The following CASKIN1 variants were observed in gnomAD, a reference collection of about 807,000 sequenced individuals.
The protein encoded by CASKIN1 is CASK interacting protein 1, also known as caskin-1.
A neutral mutation model predicts 117.5 loss-of-function variants in CASKIN1; 42 were observed. That is an observed-to-expected ratio of 0.36 (90% CI 0.28 to 0.46). The LOEUF (loss-of-function observed/expected upper bound fraction) is 0.46, where lower values mean the gene tolerates loss of function less well. Ranked by LOEUF, CASKIN1 falls within the 20% of genes least tolerant of loss-of-function variation. The pLI is 1.00. For missense variants in CASKIN1, 2,083 were observed against 2,077.3 expected (o/e 1.00, Z -0.05); for synonymous variants, 1,148 against 961.7 (o/e 1.19, Z -3.59).
intron 10 of CASKIN1, 111 bp downstream of exon 10, chr16:2,186,595 TG>T: frequency 2.3e-6 from 2 of 869,608 alleles, no homozygotes; most frequent in African/African-American, 1.7e-5. Context: ...AACCCCACGC[TG>T]GCACCCAGAA....
At position 2,178,374 on chromosome 16, in the gene CASKIN1, A is replaced by G; in HGVS notation, c.*176T>C. On this transcript the variant is annotated 3_prime_UTR_variant, in exon 20 of 20. Coordinates refer to ENST00000343516, the MANE Select transcript of CASKIN1 (RefSeq NM_020764.4). Reference sequence around the variant, plus strand: ...CGCAGGGTCTGCCTAGAGCCCTTGGAGCCCCCGGCCAGGCGGTCCCCGGTG... The same window carrying G: ...CGCAGGGTCTGCCTAGAGCCCTTGGGGCCCCCGGCCAGGCGGTCCCCGGTG... 1 of 466,020 alleles carries G rather than the reference A, an allele frequency of 2.1e-6. No individual in the cohort carries two copies. 28.9% of individuals were successfully genotyped at this position (466,020 alleles called of 1,614,324 possible).
Position 2,180,317 on chromosome 16 carries a change from G to C in CASKIN1, c.3051C>G (p.Gly1017=), listed in dbSNP as rs758053471. 1 of 1,595,230 alleles carries C rather than the reference G, an allele frequency of 6.3e-7. No individual in the cohort carries two copies. Among genetic ancestry groups the C allele is most frequent in the African/African-American group, 1.3e-5 (1 of 74,844 alleles). The change falls in exon 18 of 20, where the codon GGC becomes GGG. Residue 1017 remains glycine, a synonymous_variant. Coordinates refer to ENST00000343516, the MANE Select transcript of CASKIN1 (RefSeq NM_020764.4). ...CCTCAGGAGGCCTGCGGGCAGCCCG[G>C]CCCCCACCCCCAATGGAGGACAGCT... ...MLELSSIGGG[G]RAARRPPEGH...
rs759358199 is a variant in CASKIN1 at position 2,190,383 on chromosome 16, A to T, written c.95-25T>A. On this transcript the variant is annotated intron_variant, in intron 1 of 19. Coordinates refer to ENST00000343516, the MANE Select transcript of CASKIN1 (RefSeq NM_020764.4). Reference sequence around the variant, plus strand: ...TCTGGGGATGGAAGGAGACTCAGTGAGGGGAGGCTGTGCCAGCCCCTCCAG... The same window carrying T: ...TCTGGGGATGGAAGGAGACTCAGTGTGGGGAGGCTGTGCCAGCCCCTCCAG... The T allele has an allele frequency of 3.2e-6, 5 of 1,559,992 alleles. No individual in the cohort carries two copies. In the African/African-American group the frequency reaches 6.8e-5, roughly 21 times the overall value.
chr16:2,181,694 T>TTGGGGCTGGGGCGGGGC, intron 17 of CASKIN1, 95 bp from the exon 18 acceptor site: 1 of 1,195,534 alleles, frequency 8.4e-7, no homozygotes, highest in Middle Eastern at 3.1e-4. Context: ...GGGGCCCAGC[T>TTGGGGCTGGGGCGGGGC]TGGGGCTGGG....
chr16:2,191,921 T>C (rs62038844), intron 1 of CASKIN1, among the ~76,000 whole-genome samples: 330 of 152,280 alleles, frequency 2.2e-3, no homozygotes, highest in Middle Eastern at 3.4e-3. Context: ...TGCCATCCCC[T>C]CCCCACTGGT....
At chr16:2,185,463 G>C in intron 10 of CASKIN1, 55 bp from the exon 11 acceptor site, 1 of 1,416,166 alleles carries the variant, frequency 7.1e-7, no homozygotes, top group Non-Finnish European at 9.6e-7. Flanking sequence ...GGGTACTGAC[G>C]CAGGGGAGGC....
At chr16:2,195,928 T>C (rs1201626164) in intron 1 of CASKIN1, among the ~76,000 whole-genome samples, 4 of 145,284 alleles carry the variant, frequency 2.8e-5, no homozygotes, top group Non-Finnish European at 6.1e-5. Flanking sequence ...GGGTCGCCCC[T>C]CGCCGCAGGG....
intron 19 of CASKIN1, 71 bp from the exon 20 acceptor site, chr16:2,178,717 G>C: frequency 7.2e-7 from 1 of 1,396,180 alleles, no homozygotes; most frequent in Non-Finnish European, 9.5e-7. Context: ...ACCAGGACAC[G>C]CCCACGTCCC....
rs1325848093 is a variant in CASKIN1 at position 2,179,680 on chromosome 16, G to C, written c.3688C>G (p.Pro1230Ala). ...TTGGGCACAGGCTGCGTCAGGACGGGCTTGGGAGAGACAGGCGGCTTGGCC... is the reference window on the plus strand; with the variant it reads ...TTGGGCACAGGCTGCGTCAGGACGGCCTTGGGAGAGACAGGCGGCTTGGCC... The part of the protein sequence containing the change: ...KPAKPPVSPK[P>A]VLTQPVPKLQ... Residue 1230 changes from proline (P) to alanine (A), a missense_variant, in exon 18 of 20, where the codon CCC becomes GCC. This residue lies in a region of CASKIN1 where 1,818 missense variants were observed against 1,688.9 expected (regional missense o/e 1.08). Transcript: ENST00000343516. This position sits in a 1 kb window ranked among gnomAD's most constrained non-coding sequence, Gnocchi z 5.8. 6.6e-7 allele frequency: 1 copy of C among 1,526,542 alleles called. No homozygotes were observed. Among genetic ancestry groups the C allele is most frequent in the Non-Finnish European group, 8.7e-7 (1 of 1,143,314 alleles). 94.6% of individuals were successfully genotyped at this position (1,526,542 alleles called of 1,614,324 possible).
chr16:2,189,648 T>C, intron 3 of CASKIN1, 84 bp from the exon 4 acceptor site: 1 of 1,417,550 alleles, frequency 7.1e-7, no homozygotes, highest in Non-Finnish European at 9.4e-7. Flanking sequence ...ACCTGACCCC[T>C]GACCCCAAGT....
Position 2,179,821 on chromosome 16 carries a change from A to C in CASKIN1, c.3547T>G (p.Ser1183Ala), listed in dbSNP as rs2093160656. 2 of 1,592,676 alleles carry C rather than the reference A, an allele frequency of 1.3e-6. No individual in the cohort carries two copies. The highest frequency in any genetic ancestry group is 2.7e-5 in the African/African-American group (2 of 74,598). ...AGCTCCGGAGGCCCAGCCTGCTCCG[A>C]GGCCGGTCGGCGGCGCACGGTGCCA... The part of the protein sequence containing the change: ...GTGTVRRRPA[S>A]EQAGPPELPP... The change falls in exon 18 of 20, where the codon TCG becomes GCG. Residue 1183 changes from serine (S) to alanine (A), a missense_variant. Coordinates refer to ENST00000343516, the MANE Select transcript of CASKIN1 (RefSeq NM_020764.4). The surrounding 1 kb of genome is among the most constrained non-coding windows in gnomAD (Gnocchi z 5.8).
rs1488097325 is a variant in CASKIN1 at position 2,189,696 on chromosome 16, T to C, written c.245-132A>G. ...GGTGGGAGGGCGCTAGGAGCTGACT[T>C]CTGACACCAAGCCCAACCCTTGGGG... On this transcript the variant is annotated intron_variant, in intron 3 of 19. Coordinates refer to ENST00000343516, the MANE Select transcript of CASKIN1 (RefSeq NM_020764.4). The C allele has an allele frequency of 6.9e-6, 6 of 868,616 alleles. No homozygotes were observed. In the South Asian group the frequency reaches 1.1e-4, roughly 15 times the overall value. The allele number at this position is 868,616 out of a possible 1,614,324, so 53.8% of individuals were successfully genotyped here. A position where few individuals can be genotyped will look rare whatever the true frequency, so the allele number is the denominator to read the frequency against.
At chr16:2,185,450 G>A (rs752456094) in intron 10 of CASKIN1, 42 bp from the exon 11 acceptor site, 4 of 1,513,200 alleles carry the variant, frequency 2.6e-6, no homozygotes, top group Middle Eastern at 1.8e-4. Flanking sequence ...GGCCAGCGAT[G>A]GCGGGTACTG....
intron 1 of CASKIN1, among the ~76,000 whole-genome samples, chr16:2,190,739 G>A (rs1201859258): frequency 6.6e-6 from 1 of 152,204 alleles, no homozygotes; most frequent in Admixed American, 6.5e-5. Flanking sequence ...GAGGGAGAGA[G>A]CCGGCCCAAT....
intron 19 of CASKIN1, 90 bp downstream of exon 19, chr16:2,178,805 CCCGCCCA>C (rs2093154768): frequency 8.4e-7 from 1 of 1,197,512 alleles, no homozygotes; most frequent in Non-Finnish European, 1.0e-6. Flanking sequence ...TCTGCCGAGC[CCCGCCCA>C]TCTCTGCCGA....
At position 2,179,685 on chromosome 16, in the gene CASKIN1, G is replaced by T; in HGVS notation, c.3683C>A (p.Pro1228His). Residue 1228 changes from proline (P) to histidine (H), a missense_variant, in exon 18 of 20, where the codon CCC (proline) becomes CAC (histidine). This residue lies in a region of CASKIN1 where 1,818 missense variants were observed against 1,688.9 expected (regional missense o/e 1.08). Coordinates refer to ENST00000343516, the MANE Select transcript of CASKIN1 (RefSeq NM_020764.4). The surrounding 1 kb of genome is among the most constrained non-coding windows in gnomAD (Gnocchi z 5.8). ...CACAGGCTGCGTCAGGACGGGCTTGGGAGAGACAGGCGGCTTGGCCGGCTT... is the reference window on the plus strand; with the variant it reads ...CACAGGCTGCGTCAGGACGGGCTTGTGAGAGACAGGCGGCTTGGCCGGCTT... The part of the protein sequence containing the change: ...ARKPAKPPVS[P>H]KPVLTQPVPK... The T allele has an allele frequency of 3.3e-6, 5 of 1,527,474 alleles. No homozygotes were observed. Among genetic ancestry groups the T allele is most frequent in the Non-Finnish European group, 4.4e-6 (5 of 1,143,816 alleles). 94.6% of individuals were successfully genotyped at this position (1,527,474 alleles called of 1,614,324 possible).
At chr16:2,187,840 C>T (rs569152449) in intron 6 of CASKIN1, among the ~76,000 whole-genome samples, 1 of 152,008 alleles carries the variant, frequency 6.6e-6, no homozygotes, top group Non-Finnish European at 1.5e-5. Context: ...AAGCTGGACA[C>T]GAACTCCTCC....
Position 2,181,886 on chromosome 16 carries a change from T to C in CASKIN1, c.1673A>G (p.Tyr558Cys). 1.2e-6 allele frequency: 2 copies of C among 1,613,742 alleles called. No individual in the cohort carries two copies. The highest frequency in any genetic ancestry group is 1.7e-6 in the Non-Finnish European group (2 of 1,179,978). The part of the protein sequence containing the change: ...VWLSMIGLAQ[Y>C]YKVLVDNGYE... ...GCCATTGTCCACCAACACCTTGTAGTACTGGGCCAGGCCGATCATGGACAG... is the reference window on the plus strand; with the variant it reads ...GCCATTGTCCACCAACACCTTGTAGCACTGGGCCAGGCCGATCATGGACAG... Residue 558 changes from tyrosine (Y) to cysteine (C), a missense_variant, in exon 17 of 20, where the codon TAC becomes TGC. Physicochemically the swap from Tyr to Cys is radical, Grantham distance 194 (BLOSUM62 -2). Coordinates refer to ENST00000343516, the MANE Select transcript of CASKIN1 (RefSeq NM_020764.4).
At chr16:2,191,406 C>T (rs750917718) in intron 1 of CASKIN1, among the ~76,000 whole-genome samples, 3 of 152,230 alleles carry the variant, frequency 2.0e-5, no homozygotes, top group Non-Finnish European at 4.4e-5. Context: ...AGCCAGACTG[C>T]TGTGAATTCG....
Sources: gnomAD v4.1 joint callset for allele counts (sites outside exome capture counted in the v4.1 genomes callset) on GRCh38, gnomAD v4.1.1 for gene constraint, gnomAD v4.1.1 regional missense constraint, Gnocchi (gnomAD v3.1) non-coding constraint, MANE v1.5 for transcripts, NCBI Gene and HGNC (gene_info 2026-07-23, HGNC 2026-07-21) for gene names.